The following BAZ2B variants were observed in gnomAD, a reference collection of about 807,000 sequenced individuals.
BAZ2B encodes bromodomain adjacent to zinc finger domain protein 2B.
Under a neutral mutation model 246.0 loss-of-function variants are expected in BAZ2B, and 91 were observed. The ratio of observed to expected loss-of-function variants is 0.37; its 90% CI spans 0.31 to 0.44. BAZ2B has a LOEUF of 0.44. Among genes scored for constraint, BAZ2B ranks in the 20% least tolerant of loss-of-function variants. The probability of loss-of-function intolerance (pLI) is 1.00; values close to 1 mark genes in which losing one functional copy is unlikely to be tolerated. For missense variants in BAZ2B, 2,332 were observed against 2,533.7 expected, an observed-to-expected ratio of 0.92 and a Z score of 1.71; for synonymous variants, 855 against 860.0, an observed-to-expected ratio of 0.99 and a Z score of 0.10.
At chr2:159,496,203 A>T (rs936427588) in intron 2 of BAZ2B, among the ~76,000 whole-genome samples, 1 of 149,386 alleles carries the variant, frequency 6.7e-6, no homozygotes, top group Non-Finnish European at 1.5e-5. Flanking sequence ...GTGAAACCCC[A>T]TCTCTACTAA....
chr2:159,478,261 C>T (rs941547055), intron 3 of BAZ2B, among the ~76,000 whole-genome samples: 1 of 152,150 alleles, frequency 6.6e-6, no homozygotes, highest in Non-Finnish European at 1.5e-5. Context: ...AAAGTGTCTA[C>T]CAAGGACTTC....
At chr2:159,549,823 T>TC (rs1335362505) in intron 2 of BAZ2B, among the ~76,000 whole-genome samples, 1 of 148,994 alleles carries the variant, frequency 6.7e-6, no homozygotes, top group Non-Finnish European at 1.5e-5. Flanking sequence ...CTTTTTTCTT[T>TC]CTTTTTTTTT....
intron 2 of BAZ2B, among the ~76,000 whole-genome samples, chr2:159,512,252 C>T (rs1577966173): frequency 6.6e-6 from 1 of 152,160 alleles, no homozygotes; most frequent in Non-Finnish European, 1.5e-5. Flanking sequence ...TCTTTAAAAA[C>T]ATCATAAATG....
intron 2 of BAZ2B, among the ~76,000 whole-genome samples, chr2:159,512,866 C>T (rs568267478): frequency 1.3e-5 from 2 of 152,194 alleles, no homozygotes; most frequent in South Asian, 4.1e-4. Flanking sequence ...AGCCTTATGT[C>T]CCAAGGGTAT....
At chr2:159,364,317 C>T (rs1269238836) in intron 27 of BAZ2B, among the ~76,000 whole-genome samples, 1 of 152,142 alleles carries the variant, frequency 6.6e-6, no homozygotes, top group African/African-American at 2.4e-5. Context: ...ACAATCACTG[C>T]AACGGCTTTT....
chr2:159,494,769 A>G (rs1454667364), intron 2 of BAZ2B, among the ~76,000 whole-genome samples: 3 of 152,234 alleles, frequency 2.0e-5, no homozygotes, highest in African/African-American at 7.2e-5. Context: ...AACTTTAACC[A>G]TTTATGAAAA....
rs755580174 is a variant in BAZ2B, at chr2:159,525,643, CAA to C, written c.-3+30178_-3+30179del. ...CAAAGTCTGAAAAAATCTGAAATCC[CAA>C]AAGCTTCTAGACCCAACCATTTCAG... On this transcript the variant is annotated intron_variant, in intron 2 of 36. Transcript: ENST00000392783. 2.6e-3 allele frequency among the ~76,000 whole-genome samples: 396 copies of C among 152,074 alleles called. 5 individuals carry two copies. Among genetic ancestry groups the C allele is most frequent in the Non-Finnish European group, 1.0e-3 (70 of 67,972 alleles).
the BAZ2B span, among the ~76,000 whole-genome samples, chr2:159,653,534 T>C: frequency 6.6e-6 from 1 of 152,186 alleles, no homozygotes; most frequent in East Asian, 1.9e-4. Context: ...TAAACAAAAC[T>C]TGAGATAGTC....
At chr2:159,636,372 G>A in the BAZ2B span, among the ~76,000 whole-genome samples, 1 of 152,182 alleles carries the variant, frequency 6.6e-6, no homozygotes, top group Admixed American at 6.5e-5. Flanking sequence ...TGGGGAGGGA[G>A]AATGCAGCTC....
At chr2:159,616,620 AAG>A (rs750775600), upstream of BAZ2B, 2 of 152,156 alleles carry the variant, frequency 1.3e-5, no homozygotes, top group Admixed American at 1.3e-4. Context: ...AAGGGAAAAA[AAG>A]AGAGAGAATT....
rs888102998 is a variant in BAZ2B at position 159,319,272 on chromosome 2, T to C, written c.*993A>G. ...TGCGTAGGAAATTGTCACAATTTTA[T>C]TCCACATGGATACAAATGATTATAC... On this transcript the variant is annotated 3_prime_UTR_variant, in exon 37 of 37. Transcript: ENST00000392783. The surrounding 1 kb of genome is among the most constrained non-coding windows in gnomAD (Gnocchi z 4.0). 1 of 152,640 alleles carries C rather than the reference T, an allele frequency of 6.6e-6. No homozygotes were observed. Among genetic ancestry groups the C allele is most frequent in the Admixed American group, 6.5e-5 (1 of 15,276 alleles). 9.5% of individuals were successfully genotyped at this position (152,640 alleles called of 1,614,324 possible).
the BAZ2B span, among the ~76,000 whole-genome samples, chr2:159,697,428 T>C: frequency 2.7e-3 from 407 of 152,236 alleles, 2 homozygotes; most frequent in African/African-American, 9.2e-3. Context: ...TAATCAGAAA[T>C]TACAATAGAA....
At chr2:159,386,915 C>T (rs888139057) in intron 21 of BAZ2B, among the ~76,000 whole-genome samples, 2 of 152,086 alleles carry the variant, frequency 1.3e-5, no homozygotes, top group African/African-American at 4.8e-5. Context: ...AATCAACTGA[C>T]ATATCCATAT....
At chr2:159,555,622 T>G (rs1346075510) in intron 2 of BAZ2B, 1 of 152,218 alleles carries the variant, frequency 6.6e-6, no homozygotes, top group East Asian at 1.9e-4. Flanking sequence ...TTTTAAATGT[T>G]TTTTAAATCC....
At chr2:159,649,286 G>C in the BAZ2B span, among the ~76,000 whole-genome samples, 1 of 151,916 alleles carries the variant, frequency 6.6e-6, no homozygotes, top group Non-Finnish European at 1.5e-5. Flanking sequence ...CAACTAGATG[G>C]TCCCATCTGG....
At chr2:159,611,001 T>C (rs1462005885) in intron 1 of BAZ2B, among the ~76,000 whole-genome samples, 1 of 151,960 alleles carries the variant, frequency 6.6e-6, no homozygotes, top group Non-Finnish European at 1.5e-5. Flanking sequence ...TTTTCCTGTT[T>C]TCAATAAACA....
chr2:159,503,890 C>T (rs1326916223), intron 2 of BAZ2B, among the ~76,000 whole-genome samples: 1 of 152,114 alleles, frequency 6.6e-6, no homozygotes, highest in Non-Finnish European at 1.5e-5. Context: ...CGATATCTGG[C>T]TTCTTCTGGC....
At chr2:159,401,676 G>A (rs1009620417) in intron 16 of BAZ2B, among the ~76,000 whole-genome samples, 8 of 152,108 alleles carry the variant, frequency 5.3e-5, no homozygotes, top group Non-Finnish European at 7.4e-5. Flanking sequence ...TAAATTTAAT[G>A]AACTGGTTAT....
intron 1 of BAZ2B, among the ~76,000 whole-genome samples, chr2:159,601,488 C>T (rs1452941276): frequency 6.6e-6 from 1 of 151,692 alleles, no homozygotes; most frequent in Non-Finnish European, 1.5e-5. Context: ...TTCGGGAGGC[C>T]GAGGCAGGTG....
Sources: allele counts gnomAD v4.1 joint callset (sites outside exome capture counted in the v4.1 genomes callset), GRCh38; gene constraint gnomAD v4.1.1; non-coding constraint Gnocchi (gnomAD v3.1); transcripts MANE v1.5; gene names NCBI Gene and HGNC (gene_info 2026-07-23, HGNC 2026-07-21).